The following DMGDH variants were observed in gnomAD, a reference collection of about 807,000 sequenced individuals.
DMGDH encodes the protein dimethylglycine dehydrogenase.
Under a neutral mutation model 95.2 loss-of-function variants are expected in DMGDH, and 76 were observed. The ratio of observed to expected loss-of-function variants is 0.80; its 90% CI spans 0.66 to 0.97. The LOEUF (loss-of-function observed/expected upper bound fraction) is 0.97. DMGDH is among the 50% of genes least tolerant of loss of function. The probability of loss-of-function intolerance (pLI) is 0.00; values close to 1 mark genes in which losing one functional copy is unlikely to be tolerated. For missense variants in DMGDH, 987 were observed against 1,055.0 expected (o/e 0.94, Z 0.89); for synonymous variants, 345 against 377.6 (o/e 0.91, Z 1.00).
intron 2 of DMGDH, among the ~76,000 whole-genome samples, chr5:79,062,497 G>T (rs747071247): frequency 2.6e-5 from 4 of 151,254 alleles, no homozygotes; most frequent in Admixed American, 6.6e-5. Context: ...TGATGAGCAG[G>T]GGCTAACGCT....
Position 79,033,278 on chromosome 5 carries a change from C to T in DMGDH, c.1324G>A (p.Glu442Lys), listed in dbSNP as rs1754244553. 38 of 1,614,034 alleles carry T rather than the reference C, an allele frequency of 2.4e-5. No individual in the cohort carries two copies. Among genetic ancestry groups the T allele is most frequent in the Non-Finnish European group, 3.2e-5 (38 of 1,180,026 alleles). The change falls in exon 8 of 16, where the codon GAG becomes AAG. Residue 442 changes from glutamate to lysine, a missense_variant. Glu to Lys is a moderately conservative substitution (Grantham distance 56). Transcript: ENST00000255189. Reference protein sequence around the residue: ...YGKWTTTQYTEAKARESYGFN... With the variant: ...YGKWTTTQYTKAKARESYGFN... Reference sequence around the variant, plus strand: ...CCATATGATTCTCTTGCTTTGGCCTCAGTGTACTGGGTTGTTGTCCATTTG... The same window carrying T: ...CCATATGATTCTCTTGCTTTGGCCTTAGTGTACTGGGTTGTTGTCCATTTG...
At chr5:79,011,720 C>CAGAGAAGGAGCAAGAGATAGAGTGCA (rs1753650714) in intron 14 of DMGDH, among the ~76,000 whole-genome samples, 1 of 152,046 alleles carries the variant, frequency 6.6e-6, no homozygotes, top group Non-Finnish European at 1.5e-5. Flanking sequence ...TTCACATGGC[C>CAGAGAAGGAGCAAGAGATAGAGTGCA]AGAGAAGGAG....
At chr5:79,037,984 GA>G (rs1754392431) in intron 7 of DMGDH, among the ~76,000 whole-genome samples, 1 of 152,160 alleles carries the variant, frequency 6.6e-6, no homozygotes, top group Non-Finnish European at 1.5e-5. Flanking sequence ...ATATTGTTCA[GA>G]TGTCAATACT....
intron 14 of DMGDH, chr5:79,021,608 T>C: frequency 7.6e-7 from 1 of 1,312,626 alleles, no homozygotes; most frequent in African/African-American, 1.5e-5. Flanking sequence ...CGATTCACCC[T>C]AATAAGGCCT....
At position 79,063,655 on chromosome 5, in the gene DMGDH, C is replaced by T. The variant is rs770226153; in HGVS notation, c.234G>A (p.Leu78=). 4.5e-5 allele frequency: 72 copies of T among 1,614,080 alleles called. No homozygotes were observed. The highest frequency in any genetic ancestry group is 6.0e-5 in the Non-Finnish European group (71 of 1,180,040). The change falls in exon 2 of 16, where the codon CTG becomes CTA. Residue 78 remains leucine, a synonymous_variant. Coordinates refer to ENST00000255189, the MANE Select transcript of DMGDH (RefSeq NM_013391.3). The part of the protein sequence containing the change: ...LAKAGMKDVV[L]LEKSELTAGS... ...CAGCCGTGAGCTCTGATTTCTCCAG[C>T]AGGACCACATCTTTCATCCCTGCTT...
chr5:79,027,400 A>C (rs1173674516), intron 12 of DMGDH, among the ~76,000 whole-genome samples: 1 of 152,206 alleles, frequency 6.6e-6, no homozygotes, highest in Non-Finnish European at 1.5e-5. Flanking sequence ...AGCAGCCCAG[A>C]GAAAGAGCTA....
chr5:79,043,932 C>T (rs248383), intron 6 of DMGDH, among the ~76,000 whole-genome samples: 84,919 of 151,968 alleles, frequency 0.56, 23,978 homozygotes, highest in East Asian at 0.78. Flanking sequence ...GTTGTGTTTC[C>T]AGCTGTAAAA....
intron 2 of DMGDH, among the ~76,000 whole-genome samples, chr5:79,056,855 A>G (rs866911893): frequency 1.3e-5 from 2 of 152,176 alleles, no homozygotes; most frequent in South Asian, 4.1e-4. Flanking sequence ...ACTCTGTCTC[A>G]AAAAAGAACA....
At chr5:79,018,215 T>A (rs369116246) in intron 14 of DMGDH, among the ~76,000 whole-genome samples, 1 of 152,102 alleles carries the variant, frequency 6.6e-6, no homozygotes, top group Non-Finnish European at 1.5e-5. Context: ...GCCCGGCTAA[T>A]TTTTTGTGGA....
At chr5:79,009,197 A>G (rs149880537) in intron 14 of DMGDH, among the ~76,000 whole-genome samples, 51 of 152,294 alleles carry the variant, frequency 3.3e-4, no homozygotes, top group Non-Finnish European at 5.9e-4. Flanking sequence ...GTTAATATTA[A>G]TGCAATTTGA....
In DMGDH at chr5:79,051,275, T is replaced by A. The variant is rs1210480754; in HGVS notation, c.745+12A>T. ...TTAAAAAACACTAATTTCAAAAAAATGATATGCTTACCTGCAGCATTCACA... is the reference window on the plus strand; with the variant it reads ...TTAAAAAACACTAATTTCAAAAAAAAGATATGCTTACCTGCAGCATTCACA... On this transcript the variant is annotated intron_variant, in intron 5 of 15. Transcript: ENST00000255189. 4 of 1,613,736 alleles carry A rather than the reference T, an allele frequency of 2.5e-6. No homozygotes were observed. The African/African-American group carries it at 5.3e-5, about 22-fold the overall frequency.
At chr5:79,001,181 G>C (rs1561204400) in intron 15 of DMGDH, 1 of 450,892 alleles carries the variant, frequency 2.2e-6, no homozygotes, top group Non-Finnish European at 4.0e-6. Context: ...CTTGTTTTTT[G>C]AGATGGAGTC....
In DMGDH at chr5:79,028,448, T is replaced by C; in HGVS notation, c.2017A>G (p.Arg673Gly). 1 of 1,613,164 alleles carries C rather than the reference T, an allele frequency of 6.2e-7. No homozygotes were observed. Among genetic ancestry groups the C allele is most frequent in the Non-Finnish European group, 8.5e-7 (1 of 1,179,134 alleles). The change falls in exon 12 of 16, where the codon AGG (arginine) becomes GGG (glycine). Residue 673 changes from arginine (R) to glycine (G), a missense_variant. Physicochemically the swap from Arg to Gly is moderately radical, Grantham distance 125. Transcript: ENST00000255189. ...CCAATCTTACCAGTATAAGATATCC[T>C]AATAGCAGTGACAGGAATGTTGGAA... ...KVSNIPVTAIRISYTGELGWE... is the reference protein window; with the variant it reads ...KVSNIPVTAIGISYTGELGWE...
chr5:79,045,927 C>T (rs1674643606), intron 5 of DMGDH, among the ~76,000 whole-genome samples: 1 of 152,188 alleles, frequency 6.6e-6, no homozygotes, highest in African/African-American at 2.4e-5. Flanking sequence ...ACCATCTAAA[C>T]CTTTCCTTTG....
At chr5:79,028,781 C>A in intron 11 of DMGDH, 131 bp from the exon 12 acceptor site, 1 of 1,010,058 alleles carries the variant, frequency 9.9e-7, no homozygotes, top group Admixed American at 2.0e-5. Context: ...TTCATGAAAT[C>A]ACACTGATTT....
chr5:79,063,521 A>C, intron 2 of DMGDH, 92 bp downstream of exon 2: 2 of 1,491,012 alleles, frequency 1.3e-6, no homozygotes, highest in Non-Finnish European at 1.9e-6. Context: ...CGCACTCTAA[A>C]GAGCTCACAG....
intron 15 of DMGDH, among the ~76,000 whole-genome samples, chr5:79,001,613 G>A (rs1049120420): frequency 1.3e-5 from 2 of 152,174 alleles, no homozygotes; most frequent in South Asian, 4.1e-4. Context: ...CAGTCTCAGG[G>A]TGTGATCCCC....
At chr5:79,000,113 T>TTTTTG in intron 15 of DMGDH, 1 of 456,112 alleles carries the variant, frequency 2.2e-6, no homozygotes, top group Non-Finnish European at 4.3e-6. Flanking sequence ...TGATGAACAT[T>TTTTTG]TTTTGTTTTT....
intron 13 of DMGDH, among the ~76,000 whole-genome samples, chr5:79,025,509 T>C (rs1753975274): frequency 6.6e-6 from 1 of 152,188 alleles, no homozygotes; most frequent in African/African-American, 2.4e-5. Flanking sequence ...TCAAATGCAC[T>C]TTATTATGTG....
Sources: gnomAD v4.1 joint callset for allele counts (sites outside exome capture counted in the v4.1 genomes callset) on GRCh38, gnomAD v4.1.1 for gene constraint, MANE v1.5 for transcripts, NCBI Gene and HGNC (gene_info 2026-07-23, HGNC 2026-07-21) for gene names.